MAGI2: variants seen among roughly 807,000 people sequenced by gnomAD.
MAGI2 encodes the protein membrane associated guanylate kinase, WW and PDZ domain containing 2.
MAGI2 carries 35 observed loss-of-function variants against 133.3 expected under a neutral mutation model. The observed-to-expected ratio is 0.26, with a 90% CI of 0.20 to 0.35. The LOEUF (loss-of-function observed/expected upper bound fraction) is 0.35, where lower values mean the gene tolerates loss of function less well. Among genes scored for constraint, MAGI2 ranks in the 10% least tolerant of loss-of-function variants. The pLI is 1.00. For synonymous variants in MAGI2, 729 were observed against 710.6 expected, an observed-to-expected ratio of 1.03 and a Z score of -0.41; for missense variants, 1,636 against 1,863.4, an observed-to-expected ratio of 0.88 and a Z score of 2.25.
At chr7:79,417,780 G>A (rs907907737) in intron 1 of MAGI2, among the ~76,000 whole-genome samples, 6 of 151,902 alleles carry the variant, frequency 3.9e-5, no homozygotes, top group Admixed American at 3.3e-4. Flanking sequence ...CAGACTGGAG[G>A]TTAGTAATTT....
At chr7:79,208,308 A>G in intron 1 of MAGI2, among the ~76,000 whole-genome samples, 1 of 152,006 alleles carries the variant, frequency 6.6e-6, no homozygotes, top group African/African-American at 2.4e-5. Context: ...AATAACCAAA[A>G]TATATAAAAT....
intron 3 of MAGI2, among the ~76,000 whole-genome samples, chr7:78,592,263 G>A (rs1430465697): frequency 1.3e-5 from 2 of 152,064 alleles, no homozygotes; most frequent in Non-Finnish European, 2.9e-5. Flanking sequence ...AGGTATTGTT[G>A]TGATATTTCA....
At chr7:79,278,283 G>A (rs1299813945) in intron 1 of MAGI2, among the ~76,000 whole-genome samples, 1 of 152,128 alleles carries the variant, frequency 6.6e-6, no homozygotes, top group African/African-American at 2.4e-5. Flanking sequence ...GCTCCCTGAG[G>A]CTTCCTCAGA....
At chr7:79,194,482 G>A (rs1014393555) in intron 1 of MAGI2, among the ~76,000 whole-genome samples, 4 of 151,768 alleles carry the variant, frequency 2.6e-5, no homozygotes, top group African/African-American at 7.3e-5. Flanking sequence ...AAGATAAAGA[G>A]CTAATTCCAA....
intron 3 of MAGI2, among the ~76,000 whole-genome samples, chr7:78,571,414 G>A (rs1048021050): frequency 2.6e-5 from 4 of 152,170 alleles, no homozygotes; most frequent in African/African-American, 9.6e-5. Context: ...AGAAAGCAAT[G>A]ACAGCATCCA....
chr7:79,021,104 A>AAATGAGGTTGG (rs1264905438), intron 1 of MAGI2, among the ~76,000 whole-genome samples: 1 of 152,380 alleles, frequency 6.6e-6, no homozygotes, highest in East Asian at 1.9e-4. Context: ...AGAAGTCAAG[A>AAATGAGGTTGG]AATGAGGTTG....
intron 6 of MAGI2, among the ~76,000 whole-genome samples, chr7:78,379,843 T>C (rs2151288845): frequency 6.6e-6 from 1 of 152,078 alleles, no homozygotes; most frequent in East Asian, 1.9e-4. Context: ...GTGCAAACAA[T>C]AATCCTGACC....
At chr7:79,110,303 G>T (rs938614548) in intron 1 of MAGI2, among the ~76,000 whole-genome samples, 2 of 152,148 alleles carry the variant, frequency 1.3e-5, no homozygotes, top group African/African-American at 2.4e-5. Context: ...GTGAGAAGAG[G>T]GTGGTGGGGC....
At chr7:78,353,197 C>G (rs966889820) in intron 7 of MAGI2, among the ~76,000 whole-genome samples, 1 of 152,168 alleles carries the variant, frequency 6.6e-6, no homozygotes, top group African/African-American at 2.4e-5. Flanking sequence ...TAAAGGAAAA[C>G]TAAAAGACTA....
intron 1 of MAGI2, among the ~76,000 whole-genome samples, chr7:79,433,634 G>A (rs915504033): frequency 2.6e-5 from 4 of 152,032 alleles, no homozygotes; most frequent in Non-Finnish European, 5.9e-5. Flanking sequence ...CAGTACATGT[G>A]ACTAGAACAT....
At chr7:79,144,594 A>G (rs1484098699) in intron 1 of MAGI2, among the ~76,000 whole-genome samples, 1 of 152,162 alleles carries the variant, frequency 6.6e-6, no homozygotes, top group Non-Finnish European at 1.5e-5. Context: ...AGTTTCAGCT[A>G]TTTCTTTATA....
intron 3 of MAGI2, among the ~76,000 whole-genome samples, chr7:78,575,202 A>T (rs531654748): frequency 6.6e-6 from 1 of 152,140 alleles, no homozygotes; most frequent in African/African-American, 2.4e-5. Context: ...TATCACTATC[A>T]TTCCATTTAA....
At chr7:78,457,259 A>G (rs974892252) in intron 6 of MAGI2, among the ~76,000 whole-genome samples, 6 of 152,202 alleles carry the variant, frequency 3.9e-5, no homozygotes, top group African/African-American at 1.2e-4. Context: ...ACTCTTTTAC[A>G]TCTGCAGACC....
At chr7:79,057,989 C>A (rs1813317400) in intron 1 of MAGI2, among the ~76,000 whole-genome samples, 1 of 149,382 alleles carries the variant, frequency 6.7e-6, no homozygotes, top group Admixed American at 6.7e-5. Flanking sequence ...ACATAGACTT[C>A]ATCAAATATA....
chr7:78,185,744 G>T, intron 12 of MAGI2, 74 bp from the exon 13 acceptor site: 1 of 1,213,064 alleles, frequency 8.2e-7, no homozygotes, highest in Non-Finnish European at 1.2e-6. Flanking sequence ...CTTTCTTTTT[G>T]TTGCTATCAT....
At chr7:78,935,231 T>TTATA (rs1800425834) in intron 2 of MAGI2, among the ~76,000 whole-genome samples, 1 of 152,194 alleles carries the variant, frequency 6.6e-6, no homozygotes, top group Admixed American at 6.5e-5. Flanking sequence ...GGAATCCGTA[T>TTATA]TATAATAAAT....
intron 6 of MAGI2, among the ~76,000 whole-genome samples, chr7:78,483,779 A>G (rs1320559117): frequency 1.3e-5 from 2 of 151,992 alleles, no homozygotes; most frequent in African/African-American, 4.8e-5. Flanking sequence ...AGTCAGCTAC[A>G]AAAGAATTGT....
In MAGI2 at chr7:78,369,158, A is replaced by C; in HGVS notation, c.1101T>G (p.Val367=). The change falls in exon 7 of 22, where the codon GTT becomes GTG. Residue 367 remains valine (V), a splice_region_variant and synonymous_variant. Transcript: ENST00000354212. ...IDDPIYGTYY[V]DHINRRTQFE... is the part of the protein sequence containing the mutation. The stretch of plus-strand genomic sequence containing the variant: ...TAATATCACACTTAGAGACTTACTC[A>C]ACATAATAAGTGCCATAAATGGGAT... 1 of 1,598,006 alleles carries C rather than the reference A, an allele frequency of 6.3e-7. No individual in the cohort carries two copies. Among genetic ancestry groups the C allele is most frequent in the Non-Finnish European group, 8.6e-7 (1 of 1,169,276 alleles).
At chr7:78,052,629 C>T (rs1043270130) in intron 21 of MAGI2, among the ~76,000 whole-genome samples, 6 of 152,330 alleles carry the variant, frequency 3.9e-5, no homozygotes, top group Middle Eastern at 6.8e-3. Context: ...TTATATCACA[C>T]GGCCCCTGCC....
Sources: gnomAD v4.1 joint callset for allele counts (sites outside exome capture counted in the v4.1 genomes callset) on GRCh38, gnomAD v4.1.1 for gene constraint, MANE v1.5 for transcripts, NCBI Gene and HGNC (gene_info 2026-07-23, HGNC 2026-07-21) for gene names.